Variants in VPS9D1 observed in about 807,000 individuals in gnomAD.
The protein encoded by VPS9D1 is VPS9 domain-containing protein 1.
VPS9D1 carries 78 observed loss-of-function variants against 75.8 expected under a neutral mutation model. The observed-to-expected ratio is 1.03, with a 90% CI of 0.86 to 1.24. VPS9D1 has a LOEUF of 1.24. Among genes scored for constraint, VPS9D1 ranks in the 50% most tolerant of loss-of-function variants. The pLI is 0.00. For missense variants in VPS9D1, 1,057 were observed against 847.7 expected, an observed-to-expected ratio of 1.25 and a Z score of -3.07; for synonymous variants, 481 against 385.6, an observed-to-expected ratio of 1.25 and a Z score of -2.90.
At chr16:89,712,284 T>C in intron 6 of VPS9D1, 176 bp downstream of exon 6, 2 of 1,318,092 alleles carry the variant, frequency 1.5e-6, no homozygotes, top group Non-Finnish European at 2.1e-6. Context: ...CCAGAGAACA[T>C]GGGGGACGGC....
At position 89,708,462 on chromosome 16, in the gene VPS9D1, C is replaced by T. The variant is rs369209003; in HGVS notation, c.1767G>A (p.Ser589=). 33 of 1,612,822 alleles carry T rather than the reference C, an allele frequency of 2.0e-5. No individual in the cohort carries two copies. The highest frequency in any genetic ancestry group is 2.5e-5 in the Non-Finnish European group (30 of 1,179,876). Reference sequence around the variant, plus strand: ...TGAACTCCTCCAGGGCCGCGCACTCCGACACCAGCTGAGGGAGGCCGCTCC... The same window carrying T: ...TGAACTCCTCCAGGGCCGCGCACTCTGACACCAGCTGAGGGAGGCCGCTCC... ...VLRSGLPQLV[S]ECAALEEFIH... The change falls in exon 14 of 15, where the codon TCG becomes TCA. Residue 589 remains serine, a synonymous_variant. Coordinates refer to ENST00000389386, the MANE Select transcript of VPS9D1 (RefSeq NM_004913.3).
intron 6 of VPS9D1, 27 bp downstream of exon 6, chr16:89,712,433 G>A (rs778078533): frequency 3.7e-6 from 6 of 1,611,504 alleles, no homozygotes; most frequent in Non-Finnish European, 5.1e-6. Context: ...TCCCCTCGGG[G>A]ACCACCAGGG....
rs2060906999 is a variant in VPS9D1 at position 89,711,098 on chromosome 16, G to A, written c.834-88C>T. On this transcript the variant is annotated intron_variant, in intron 9 of 14. Transcript: ENST00000389386. ...CCGCGCTATGCCCGGTTTCAGAGAA[G>A]CGACTTGCATTACCTCCTGACAGTG... is the stretch of plus-strand genomic sequence containing the variant. The A allele has an allele frequency of 3.0e-6, 4 of 1,346,134 alleles. No individual in the cohort carries two copies. In the East Asian group the frequency reaches 7.7e-5, roughly 26 times the overall value. 83.4% of individuals were successfully genotyped at this position (1,346,134 alleles called of 1,614,324 possible). A position where few individuals can be genotyped will look rare whatever the true frequency, so the allele number is the denominator to read the frequency against.
intron 4 of VPS9D1, among the ~76,000 whole-genome samples, chr16:89,715,492 C>A (rs575106586): frequency 1.3e-5 from 2 of 151,852 alleles, no homozygotes; most frequent in East Asian, 3.9e-4. Flanking sequence ...TCCCAAAGTG[C>A]TGGGATTACA....
intron 4 of VPS9D1, among the ~76,000 whole-genome samples, chr16:89,713,306 G>A (rs933594334): frequency 1.3e-5 from 2 of 151,472 alleles, no homozygotes; most frequent in East Asian, 3.9e-4. Flanking sequence ...CCAGGCTGGA[G>A]CGCAGTGGCG....
At chr16:89,711,444 G>T (rs1397596395) in intron 8 of VPS9D1, 32 bp from the exon 9 acceptor site, 2 of 1,573,026 alleles carry the variant, frequency 1.3e-6, no homozygotes, top group Admixed American at 3.7e-5. Flanking sequence ...AGGAAAGCAC[G>T]GTGGGTCCGC....
chr16:89,710,447 G>T (rs1021062520), intron 10 of VPS9D1, 139 bp downstream of exon 10: 1 of 921,882 alleles, frequency 1.1e-6, no homozygotes, highest in Non-Finnish European at 1.6e-6. Flanking sequence ...AATGAGAAGG[G>T]CTGAGGCGTG....
At chr16:89,717,610 A>G in intron 2 of VPS9D1, 1 of 455,832 alleles carries the variant, frequency 2.2e-6, no homozygotes, top group Non-Finnish European at 4.4e-6. Flanking sequence ...CCATTTTCTC[A>G]TCCCGCCCCG....
At position 89,720,877 on chromosome 16, in the gene VPS9D1, A is replaced by C. The variant is rs1427988106; in HGVS notation, c.-16T>G. ...CAGCGGCCATGGCGCCGAGCGGGGG[A>C]GGCGGCGGCGGTAGCCGAGGGGCTG... is the stretch of plus-strand genomic sequence containing the variant. On this transcript the variant is annotated 5_prime_UTR_variant, in exon 1 of 15. Coordinates refer to ENST00000389386, the MANE Select transcript of VPS9D1 (RefSeq NM_004913.3). The C allele has an allele frequency of 7.4e-7, 1 of 1,349,056 alleles. No homozygotes were observed. The allele number at this position is 1,349,056 out of a possible 1,614,324, so 83.6% of individuals were successfully genotyped here.
chr16:89,717,440 C>A, intron 2 of VPS9D1: 1 of 404,796 alleles, frequency 2.5e-6, no homozygotes, highest in Non-Finnish European at 5.1e-6. Flanking sequence ...CCTGCCTTCC[C>A]GTAGCTTGGC....
intron 14 of VPS9D1, 59 bp from the exon 15 acceptor site, chr16:89,708,013 C>A (rs1464587435): frequency 4.6e-6 from 7 of 1,534,990 alleles, no homozygotes; most frequent in Non-Finnish European, 6.3e-6. Flanking sequence ...TACCCCCGGC[C>A]CTCCAGAAGG....
rs768642859 is a variant in VPS9D1 at position 89,716,799 on chromosome 16, C to CG, written c.198dup (p.Asp67ArgfsTer52). The CG allele has an allele frequency of 2.5e-6, 4 of 1,591,508 alleles. No individual in the cohort carries two copies. Among genetic ancestry groups the CG allele is most frequent in the African/African-American group, 1.4e-5 (1 of 73,320 alleles). On this transcript the variant is annotated frameshift_variant, in exon 3 of 15. Transcript: ENST00000389386. LOFTEE classifies it high-confidence loss of function. Reference sequence around the variant, plus strand: ...GCTAGCTTCAGCATCTTGGAGGTGTCGGGGGGCACAGTTTCCCCAGCTTCT... The same window carrying CG: ...GCTAGCTTCAGCATCTTGGAGGTGTCGGGGGGGCACAGTTTCCCCAGCTTCT...
chr16:89,710,476 C>T (rs1204254623), intron 10 of VPS9D1, 110 bp downstream of exon 10: 6 of 1,212,046 alleles, frequency 5.0e-6, no homozygotes, highest in East Asian at 2.5e-5. Context: ...GGATGTAAGT[C>T]TGATCAGAGT....
At chr16:89,716,408 A>C in intron 4 of VPS9D1, 54 bp downstream of exon 4, 1 of 1,600,828 alleles carries the variant, frequency 6.2e-7, no homozygotes, top group South Asian at 1.1e-5. Flanking sequence ...CATCTTTCTC[A>C]GCCTCAAAAA....
At chr16:89,717,281 C>A (rs1269526985) in intron 2 of VPS9D1, 11 of 323,136 alleles carry the variant, frequency 3.4e-5, no homozygotes, top group Admixed American at 1.3e-4. Context: ...CTCATCGAGG[C>A]CCGTCACAGC....
At chr16:89,718,045 C>T (rs1397599077) in intron 2 of VPS9D1, 19 of 454,516 alleles carry the variant, frequency 4.2e-5, no homozygotes, top group African/African-American at 8.1e-5. Flanking sequence ...TCTGTGATCC[C>T]ACGTCCAGTG....
chr16:89,720,474 T>C lies in VPS9D1; in HGVS notation c.99+289A>G. 2.7e-6 allele frequency: 3 copies of C among 1,098,094 alleles called. 1 individual carries two copies. In the South Asian group the frequency reaches 1.3e-4, roughly 49 times the overall value. 68.0% of individuals were successfully genotyped at this position (1,098,094 alleles called of 1,614,324 possible). A position where few individuals can be genotyped will look rare whatever the true frequency, so the allele number is the denominator to read the frequency against. ...GTCACTCGGATTTTGGAAGGTGGCCTGGCGGACCCTCCTGCTACATCTCCT... is the reference window on the plus strand; with the variant it reads ...GTCACTCGGATTTTGGAAGGTGGCCCGGCGGACCCTCCTGCTACATCTCCT... On this transcript the variant is annotated intron_variant, in intron 1 of 14. Transcript: ENST00000389386.
intron 12 of VPS9D1, 86 bp from the exon 13 acceptor site, chr16:89,709,042 C>T: frequency 7.0e-7 from 1 of 1,430,192 alleles, no homozygotes; most frequent in Non-Finnish European, 9.5e-7. Context: ...CACCCACCTC[C>T]TGATGTGCAC....
chr16:89,716,872 T>C, intron 2 of VPS9D1, 50 bp from the exon 3 acceptor site: 1 of 1,498,644 alleles, frequency 6.7e-7, no homozygotes, highest in East Asian at 2.4e-5. Flanking sequence ...CCACTGTTAC[T>C]TACTGCTGAG....
Sources: allele counts gnomAD v4.1 joint callset (sites outside exome capture counted in the v4.1 genomes callset), GRCh38; gene constraint gnomAD v4.1.1; transcripts MANE v1.5; gene names NCBI Gene and HGNC (gene_info 2026-07-23, HGNC 2026-07-21).